Variants in RBM43 observed in about 807,000 individuals in gnomAD.
The protein encoded by RBM43 is RNA-binding protein 43.
RBM43 carries 12 observed loss-of-function variants against 12.4 expected under a neutral mutation model. The observed-to-expected ratio is 0.97, with a 90% confidence interval of 0.62 to 1.57. RBM43 has a LOEUF of 1.57. Among genes scored for constraint, RBM43 ranks in the 40% most tolerant of loss-of-function variants. RBM43 has a pLI of 0.00. For synonymous variants in RBM43, 138 were observed against 145.7 expected, an observed-to-expected ratio of 0.95 and a Z score of 0.38; for missense variants, 348 against 400.1, an observed-to-expected ratio of 0.87 and a Z score of 1.11.
intron 2 of RBM43, among the ~76,000 whole-genome samples, chr2:151,253,121 C>T (rs186924598): frequency 6.6e-6 from 1 of 152,162 alleles, no homozygotes; most frequent in South Asian, 2.1e-4. Flanking sequence ...ATATCCCCAT[C>T]TCTGTTAATT....
At chr2:151,252,883 GT>G in intron 2 of RBM43, 28 bp from the exon 3 acceptor site, 1 of 1,135,894 alleles carries the variant, frequency 8.8e-7, no homozygotes, top group Non-Finnish European at 1.3e-6. Flanking sequence ...CATCAGAAGT[GT>G]TTATGGCATG....
At position 151,248,084 on chromosome 2, in the gene RBM43, A is replaced by G. The variant is rs1181593622; in HGVS notation, c.*2822T>C. 6.6e-6 allele frequency: 1 copy of G among 152,188 alleles called. No individual in the cohort carries two copies. Among genetic ancestry groups the G allele is most frequent in the Non-Finnish European group, 1.5e-5 (1 of 67,992 alleles). The allele number at this position is 152,188 out of a possible 1,614,324, so 9.4% of individuals were successfully genotyped here. On this transcript the variant is annotated 3_prime_UTR_variant, in exon 4 of 4. Coordinates refer to ENST00000331426, the MANE Select transcript of RBM43 (RefSeq NM_198557.3). ...AAGCTTTAAGCTTTTTTAATAGGCAATCTTATAAAGGCTGTAAATCAAATT... is the reference window on the plus strand; with the variant it reads ...AAGCTTTAAGCTTTTTTAATAGGCAGTCTTATAAAGGCTGTAAATCAAATT...
At chr2:151,261,139 T>C (rs768128158) in intron 1 of RBM43, 123 of 1,236,226 alleles carry the variant, frequency 9.9e-5, no homozygotes, top group Non-Finnish European at 1.3e-4. Context: ...TTTTAAGCGA[T>C]TGATGGAAAC....
chr2:151,250,687 C>A lies in RBM43; in HGVS notation c.*219G>T. On this transcript the variant is annotated 3_prime_UTR_variant, in exon 4 of 4. Coordinates refer to ENST00000331426, the MANE Select transcript of RBM43 (RefSeq NM_198557.3). ...TGTAATCAGATAGACTGGGCTAAGC[C>A]ACAGCCTCATTCTTTGTCAACTGGA... 1 of 440,312 alleles carries A rather than the reference C, an allele frequency of 2.3e-6. No individual in the cohort carries two copies. Among genetic ancestry groups the A allele is most frequent in the East Asian group, 3.4e-5 (1 of 29,518 alleles). 27.3% of individuals were successfully genotyped at this position (440,312 alleles called of 1,614,324 possible).
At chr2:151,255,042 T>C (rs1375430192) in intron 2 of RBM43, among the ~76,000 whole-genome samples, 1 of 152,222 alleles carries the variant, frequency 6.6e-6, no homozygotes, top group Admixed American at 6.5e-5. Context: ...CTAACAACTT[T>C]ATCATGAGCC....
chr2:151,261,675 C>T, intron 1 of RBM43, 50 bp downstream of exon 1: 2 of 1,579,830 alleles, frequency 1.3e-6, no homozygotes, highest in South Asian at 1.2e-5. Flanking sequence ...ACCATGGCGA[C>T]GGTACAGGCA....
At chr2:151,252,703 A>C in intron 3 of RBM43, 52 bp downstream of exon 3, 1 of 1,025,274 alleles carries the variant, frequency 9.8e-7, no homozygotes. Context: ...AAAAACTTCA[A>C]AAAAGAAATG....
Position 151,248,455 on chromosome 2 carries a change from T to C in RBM43, c.*2451A>G, listed in dbSNP as rs1358261234. On this transcript the variant is annotated 3_prime_UTR_variant, in exon 4 of 4. Coordinates refer to ENST00000331426, the MANE Select transcript of RBM43 (RefSeq NM_198557.3). ...TTAGAGAAGGATAAAGAGGGGATAC[T>C]GTAAGAAGGGGAGGGGAAAGGTCTA... 6.6e-6 allele frequency: 1 copy of C among 152,154 alleles called. No homozygotes were observed. Among genetic ancestry groups the C allele is most frequent in the Non-Finnish European group, 1.5e-5 (1 of 68,032 alleles). 9.4% of individuals were successfully genotyped at this position (152,154 alleles called of 1,614,324 possible).
At position 151,253,803 on chromosome 2, in the gene RBM43, C is replaced by G. The variant is rs551442388; in HGVS notation, c.215-948G>C. Among the ~76,000 whole-genome samples the G allele has an allele frequency of 5.9e-5, 9 of 152,240 alleles. No homozygotes were observed. The South Asian group carries it at 1.9e-3, about 32-fold the overall frequency. On this transcript the variant is annotated intron_variant, in intron 2 of 3. Transcript: ENST00000331426. ...AACCACATCTCCTATCACTCTCCCC[C>G]AGCTCATTCCACTCCAGCCACACAG...
intron 1 of RBM43, among the ~76,000 whole-genome samples, chr2:151,258,118 G>C (rs1354686532): frequency 1.3e-5 from 2 of 152,058 alleles, no homozygotes; most frequent in African/African-American, 2.4e-5. Flanking sequence ...GGAAGTATAT[G>C]GAACGATAAG....
At chr2:151,259,593 C>T (rs752717269) in intron 1 of RBM43, among the ~76,000 whole-genome samples, 4 of 150,670 alleles carry the variant, frequency 2.7e-5, no homozygotes, top group Non-Finnish European at 5.9e-5. Context: ...GAGCCAAGAT[C>T]GCACCACTGC....
Position 151,251,636 on chromosome 2 carries a change from T to C in RBM43, c.344A>G (p.Asp115Gly). ...KIFSSVNAILDLSVFGKEVTL... is the reference protein window; with the variant it reads ...KIFSSVNAILGLSVFGKEVTL... ...AACTTCTTTTCCAAAAACAGAAAGA[T>C]CAAGGATGGCATTTACAGAGCTGAA... The change falls in exon 4 of 4, where the codon GAT (aspartate) becomes GGT (glycine). Residue 115 changes from aspartate to glycine, a missense_variant. Coordinates refer to ENST00000331426, the MANE Select transcript of RBM43 (RefSeq NM_198557.3). The C allele has an allele frequency of 6.2e-7, 1 of 1,612,528 alleles. No individual in the cohort carries two copies. Among genetic ancestry groups the C allele is most frequent in the South Asian group, 1.1e-5 (1 of 90,688 alleles).
In RBM43 at chr2:151,249,901, G is replaced by A. The variant is rs1344087555; in HGVS notation, c.*1005C>T. ...CTTGGAGCAATATTATGTGTCCCAA[G>A]TACTTTTTCCCCCTAGCTTCTTGAG... On this transcript the variant is annotated 3_prime_UTR_variant, in exon 4 of 4. Transcript: ENST00000331426. 6.6e-6 allele frequency: 1 copy of A among 152,164 alleles called. No individual in the cohort carries two copies. The highest frequency in any genetic ancestry group is 1.9e-4 in the East Asian group (1 of 5,194). The allele number at this position is 152,164 out of a possible 1,614,324, so 9.4% of individuals were successfully genotyped here. A position where few individuals can be genotyped will look rare whatever the true frequency, so the allele number is the denominator to read the frequency against.
Position 151,252,074 on chromosome 2 carries a change from T to C in RBM43, c.316-410A>G, listed in dbSNP as rs533662353. 5.3e-5 allele frequency among the ~76,000 whole-genome samples: 8 copies of C among 152,296 alleles called. No homozygotes were observed. In the East Asian group the frequency reaches 1.4e-3, roughly 26 times the overall value. On this transcript the variant is annotated intron_variant, in intron 3 of 3. Transcript: ENST00000331426. ...CTTACAGAATCAAGTTGGTAAACCA[T>C]TGCTTTGGATTTTAACTTTTTCCTC...
intron 2 of RBM43, among the ~76,000 whole-genome samples, chr2:151,253,987 T>C (rs1403529263): frequency 6.6e-6 from 1 of 152,198 alleles, no homozygotes; most frequent in African/African-American, 2.4e-5. Flanking sequence ...TTCCTATTCA[T>C]CTAAAACAGC....
Position 151,248,334 on chromosome 2 carries a change from C to T in RBM43, c.*2572G>A, listed in dbSNP as rs544548028. 36 of 151,280 alleles carry T rather than the reference C, an allele frequency of 2.4e-4. No homozygotes were observed. Among genetic ancestry groups the T allele is most frequent in the African/African-American group, 8.2e-4 (34 of 41,252 alleles). The allele number at this position is 151,280 out of a possible 1,614,324, so 9.4% of individuals were successfully genotyped here. A position where few individuals can be genotyped will look rare whatever the true frequency, so the allele number is the denominator to read the frequency against. On this transcript the variant is annotated 3_prime_UTR_variant, in exon 4 of 4. Transcript: ENST00000331426. ...GTTTTACATGGGAATTTAATCTTTG[C>T]TTTAAAAAAAAAACAGTAGGAAGGT...
At chr2:151,252,523 T>C (rs546071440) in intron 3 of RBM43, among the ~76,000 whole-genome samples, 2 of 152,246 alleles carry the variant, frequency 1.3e-5, no homozygotes, top group African/African-American at 4.8e-5. Context: ...TCAAAAAATA[T>C]ACACTTTGTA....
intron 2 of RBM43, among the ~76,000 whole-genome samples, chr2:151,254,662 T>A (rs1682949215): frequency 6.6e-6 from 1 of 152,174 alleles, no homozygotes; most frequent in Non-Finnish European, 1.5e-5. Context: ...AGGTTGCCCG[T>A]TCCATGAGGC....
Position 151,255,709 on chromosome 2 carries a change from G to A in RBM43, c.38C>T (p.Pro13Leu), listed in dbSNP as rs749879824. Reference protein sequence around the residue: ...SVLNVKESKAPERTVVVAGLP... With the variant: ...SVLNVKESKALERTVVVAGLP... ...ACCAGCAACTACAACCGTTCTTTCA[G>A]GAGCTTTGGATTCCTTGACATTCAA... is the stretch of plus-strand genomic sequence containing the variant. The change falls in exon 2 of 4, where the codon CCT becomes CTT. Residue 13 changes from proline (P) to leucine (L), a missense_variant. Physicochemically the swap from Pro to Leu is moderately conservative, Grantham distance 98. Transcript: ENST00000331426. 14 of 1,613,752 alleles carry A rather than the reference G, an allele frequency of 8.7e-6. No homozygotes were observed. The highest frequency in any genetic ancestry group is 4.0e-5 in the African/African-American group (3 of 74,910).
Sources: gnomAD v4.1 joint callset for allele counts (sites outside exome capture counted in the v4.1 genomes callset) on GRCh38, gnomAD v4.1.1 for gene constraint, MANE v1.5 for transcripts, NCBI Gene and HGNC (gene_info 2026-07-23, HGNC 2026-07-21) for gene names.